SEMA3A: variants seen among roughly 807,000 people sequenced by gnomAD.
SEMA3A encodes semaphorin-3A.
SEMA3A carries 29 observed loss-of-function variants against 97.9 expected under a neutral mutation model. The ratio of observed to expected loss-of-function variants is 0.30; its 90% CI spans 0.22 to 0.40. The LOEUF (loss-of-function observed/expected upper bound fraction) is 0.40, where lower values mean the gene tolerates loss of function less well. Among genes scored for constraint, SEMA3A ranks in the 10% least tolerant of loss-of-function variants. SEMA3A has a pLI of 1.00. For missense variants in SEMA3A, 763 were observed against 951.3 expected (o/e 0.80, Z 2.60); for synonymous variants, 321 against 323.7 (o/e 0.99, Z 0.09).
intron 3 of SEMA3A, among the ~76,000 whole-genome samples, chr7:84,224,857 T>C (rs113566923): frequency 2.6e-5 from 4 of 152,046 alleles, no homozygotes; most frequent in Non-Finnish European, 5.9e-5. Flanking sequence ...CATTGGTTTT[T>C]CCCTAGAATC....
At chr7:84,289,001 G>A (rs1800670894) in intron 3 of SEMA3A, among the ~76,000 whole-genome samples, 2 of 151,966 alleles carry the variant, frequency 1.3e-5, no homozygotes, top group Non-Finnish European at 1.5e-5. Flanking sequence ...AGAAAATGTG[G>A]TATATATACA....
rs369674027 is a variant in SEMA3A at position 84,052,538 on chromosome 7, A to C, written c.548-6095T>G. 1.6e-3 allele frequency among the ~76,000 whole-genome samples: 239 copies of C among 152,062 alleles called. 1 individual carries two copies. The East Asian group carries it at 0.017, about 11-fold the overall frequency. On this transcript the variant is annotated intron_variant, in intron 5 of 16. Coordinates refer to ENST00000265362, the MANE Select transcript of SEMA3A (RefSeq NM_006080.3). ...TATTCTCTGATGGTAGTTTGTATTTATGTGGGATCGGTGGTGATATCCCCT... is the reference window on the plus strand; with the variant it reads ...TATTCTCTGATGGTAGTTTGTATTTCTGTGGGATCGGTGGTGATATCCCCT...
chr7:84,368,012 G>T (rs1480795225), intron 2 of SEMA3A, among the ~76,000 whole-genome samples: 1 of 151,078 alleles, frequency 6.6e-6, no homozygotes, highest in East Asian at 1.9e-4. Flanking sequence ...CACAAAAGTA[G>T]AAGTAATGCT....
chr7:84,149,681 TGTAC>T (rs1796569712), intron 1 of SEMA3A, among the ~76,000 whole-genome samples: 1 of 152,228 alleles, frequency 6.6e-6, no homozygotes, highest in Non-Finnish European at 1.5e-5. Context: ...AACGTGATTG[TGTAC>T]CACTGACAAA....
chr7:84,243,732 A>T (rs1799418765), intron 3 of SEMA3A, among the ~76,000 whole-genome samples: 1 of 151,502 alleles, frequency 6.6e-6, no homozygotes, highest in Admixed American at 6.6e-5. Context: ...TCCTGTGGGC[A>T]TTTAGTGCTA....
Position 84,049,666 on chromosome 7 carries a change from C to G in SEMA3A, c.548-3223G>C, listed in dbSNP as rs115451399. Among the ~76,000 whole-genome samples the G allele has an allele frequency of 4.8e-3, 724 of 151,554 alleles. 6 individuals carry two copies. The highest frequency in any genetic ancestry group is 0.016 in the African/African-American group (675 of 41,296). On this transcript the variant is annotated intron_variant, in intron 5 of 16. Transcript: ENST00000265362. ...GCAAACTTCTTTTGTGGTTTCTAGGCCACTAATGAAGTTATCAAATTATAT... is the reference window on the plus strand; with the variant it reads ...GCAAACTTCTTTTGTGGTTTCTAGGGCACTAATGAAGTTATCAAATTATAT...
chr7:84,300,403 GCATAA>G (rs1024248910), intron 3 of SEMA3A, among the ~76,000 whole-genome samples: 24 of 151,894 alleles, frequency 1.6e-4, no homozygotes, highest in African/African-American at 5.6e-4. Context: ...ATCCCAAAAG[GCATAA>G]CATAATTACA....
intron 1 of SEMA3A, among the ~76,000 whole-genome samples, chr7:84,145,195 G>T (rs555093405): frequency 6.6e-6 from 1 of 152,028 alleles, no homozygotes; most frequent in South Asian, 2.1e-4. Flanking sequence ...GTGAATTCTT[G>T]ACCTTCTAAG....
At chr7:84,330,984 A>C (rs1801898127) in intron 2 of SEMA3A, among the ~76,000 whole-genome samples, 1 of 152,170 alleles carries the variant, frequency 6.6e-6, no homozygotes, top group South Asian at 2.1e-4. Flanking sequence ...GGAAAGAATC[A>C]TACACTGTTA....
intron 3 of SEMA3A, among the ~76,000 whole-genome samples, chr7:84,123,151 T>C (rs1423734371): frequency 6.6e-6 from 1 of 152,138 alleles, no homozygotes; most frequent in Admixed American, 6.6e-5. Flanking sequence ...ACAGATTCTT[T>C]TACCAGCTTA....
At chr7:84,271,682 T>C (rs1391089680) in intron 3 of SEMA3A, among the ~76,000 whole-genome samples, 2 of 151,956 alleles carry the variant, frequency 1.3e-5, no homozygotes, top group Non-Finnish European at 2.9e-5. Flanking sequence ...AGCCACCAAC[T>C]CTCTTTTATG....
At chr7:83,979,755 G>A (rs909693624) in intron 14 of SEMA3A, among the ~76,000 whole-genome samples, 1 of 152,096 alleles carries the variant, frequency 6.6e-6, no homozygotes, top group Non-Finnish European at 1.5e-5. Context: ...AGGATACTGT[G>A]TTTTAATCCT....
At chr7:84,134,106 T>C (rs1465906962) in intron 2 of SEMA3A, among the ~76,000 whole-genome samples, 1 of 151,952 alleles carries the variant, frequency 6.6e-6, no homozygotes, top group East Asian at 1.9e-4. Flanking sequence ...ATTAATGAAA[T>C]GAGCCAGAAA....
At chr7:83,966,868 C>A (rs766293646) in intron 15 of SEMA3A, among the ~76,000 whole-genome samples, 1 of 152,074 alleles carries the variant, frequency 6.6e-6, no homozygotes, top group Non-Finnish European at 1.5e-5. Flanking sequence ...TGCGCCACCA[C>A]GCCCAGCTAA....
At chr7:84,370,125 A>G (rs1802939895) in intron 2 of SEMA3A, among the ~76,000 whole-genome samples, 1 of 151,502 alleles carries the variant, frequency 6.6e-6, no homozygotes, top group South Asian at 2.1e-4. Context: ...GTAGAATGGG[A>G]CCAGATTCTT....
At chr7:83,988,382 A>G (rs1431838634) in intron 12 of SEMA3A, among the ~76,000 whole-genome samples, 1 of 151,848 alleles carries the variant, frequency 6.6e-6, no homozygotes, top group African/African-American at 2.4e-5. Context: ...GCCCACCACC[A>G]CGACTGGCTA....
intron 3 of SEMA3A, among the ~76,000 whole-genome samples, chr7:84,236,744 G>C (rs1331868402): frequency 6.6e-6 from 1 of 152,088 alleles, no homozygotes; most frequent in Non-Finnish European, 1.5e-5. Flanking sequence ...TTTTGCCTCA[G>C]TCTATCAAAA....
chr7:84,010,892 C>G (rs972513086), intron 9 of SEMA3A, 130 bp downstream of exon 9: 8 of 607,734 alleles, frequency 1.3e-5, no homozygotes, highest in Middle Eastern at 4.5e-4. Context: ...TTCAGTCACC[C>G]AAGAGTACAC....
Position 84,321,900 on chromosome 7 carries a change from G to GAAAAAAA in SEMA3A, c.-168-14609_-168-14608insTTTTTTT, listed in dbSNP as rs1562902803. Among the ~76,000 whole-genome samples, 257 of 55,100 alleles carry GAAAAAAA rather than the reference G, an allele frequency of 4.7e-3. 6 individuals carry two copies. Among genetic ancestry groups the GAAAAAAA allele is most frequent in the Admixed American group, 6.6e-3 (28 of 4,268 alleles). The allele number at this position is 55,100 out of a possible 152,430, so 36.1% of individuals were successfully genotyped here. On this transcript the variant is annotated intron_variant, in intron 2 of 3. Transcript: ENST00000424555. Reference sequence around the variant, plus strand: ...AAAAAAAAAAAAAAAAAAAAAAAAAGAAGAAGAAGAAGGAGGAAATACCTG... The same window carrying GAAAAAAA: ...AAAAAAAAAAAAAAAAAAAAAAAAAGAAAAAAAAAGAAGAAGAAGGAGGAAATACCTG...
Sources: gnomAD v4.1 joint callset for allele counts (sites outside exome capture counted in the v4.1 genomes callset) on GRCh38, gnomAD v4.1.1 for gene constraint, MANE v1.5 for transcripts, NCBI Gene and HGNC (gene_info 2026-07-23, HGNC 2026-07-21) for gene names.